The following DLG2 variants were observed in gnomAD, a reference collection of about 807,000 sequenced individuals.
DLG2 encodes the protein discs large MAGUK scaffold protein 2, also known as disks large homolog 2.
Under a neutral mutation model 132.5 loss-of-function variants are expected in DLG2, and 45 were observed. The observed-to-expected ratio is 0.34, with a 90% CI of 0.27 to 0.44. The LOEUF (loss-of-function observed/expected upper bound fraction) is 0.44, where lower values mean the gene tolerates loss of function less well. Ranked by LOEUF, DLG2 falls within the 20% of genes least tolerant of loss-of-function variation. The pLI is 1.00. For synonymous variants in DLG2, 424 were observed against 419.6 expected, an observed-to-expected ratio of 1.01 and a Z score of -0.13; for missense variants, 1,045 against 1,196.9, an observed-to-expected ratio of 0.87 and a Z score of 1.87.
intron 3 of DLG2, among the ~76,000 whole-genome samples, chr11:85,525,705 G>A (rs1163734484): frequency 2.6e-5 from 4 of 152,194 alleles, no homozygotes; most frequent in Admixed American, 1.3e-4. Context: ...GTAAAGAAAT[G>A]AGGTAAGCCC....
At chr11:83,915,129 T>G (rs2076714107) in intron 15 of DLG2, among the ~76,000 whole-genome samples, 1 of 152,080 alleles carries the variant, frequency 6.6e-6, no homozygotes, top group South Asian at 2.1e-4. Flanking sequence ...CAGAGGCAAG[T>G]GTACAGGAAA....
rs148266677 is a variant in DLG2, at chr11:83,735,277, T to C, written c.1825+51413A>G. Reference sequence around the variant, plus strand: ...TGAGTGAATTGTTAAGGATTATTGATTTGATATTTAAATTAGTGTTTTAGT... The same window carrying C: ...TGAGTGAATTGTTAAGGATTATTGACTTGATATTTAAATTAGTGTTTTAGT... On this transcript the variant is annotated intron_variant, in intron 18 of 27. Coordinates refer to ENST00000376104, the MANE Select transcript of DLG2 (RefSeq NM_001142699.3). Among the ~76,000 whole-genome samples the C allele has an allele frequency of 3.1e-3, 468 of 152,256 alleles. 2 individuals are homozygous for C. Among genetic ancestry groups the C allele is most frequent in the Admixed American group, 0.011 (171 of 15,284 alleles).
At chr11:84,373,298 G>A (rs1236987497) in intron 7 of DLG2, among the ~76,000 whole-genome samples, 2 of 120,700 alleles carry the variant, frequency 1.7e-5, no homozygotes, top group Admixed American at 9.0e-5. Flanking sequence ...GGCCCGGCAC[G>A]GTGGCTCACG....
intron 6 of DLG2, among the ~76,000 whole-genome samples, chr11:84,659,230 G>A (rs1401515470): frequency 6.6e-6 from 1 of 151,618 alleles, no homozygotes; most frequent in Non-Finnish European, 1.5e-5. Flanking sequence ...TATCTTCTGG[G>A]TGGAGCTTTG....
intron 6 of DLG2, among the ~76,000 whole-genome samples, chr11:84,668,038 G>C (rs1035734088): frequency 4.1e-4 from 63 of 152,156 alleles, no homozygotes; most frequent in African/African-American, 1.4e-3. Flanking sequence ...GCCCAGCTCT[G>C]TGACACACCT....
chr11:83,653,247 A>G (rs1591771397), intron 18 of DLG2, among the ~76,000 whole-genome samples: 1 of 152,096 alleles, frequency 6.6e-6, no homozygotes, highest in Non-Finnish European at 1.5e-5. Flanking sequence ...AACTGAAGAA[A>G]CCTGCCATGG....
chr11:85,076,458 A>C (rs1248154347), intron 6 of DLG2, among the ~76,000 whole-genome samples: 1 of 152,022 alleles, frequency 6.6e-6, no homozygotes, highest in African/African-American at 2.4e-5. Flanking sequence ...TGGAGGCAAC[A>C]ACCCGGAAAT....
At chr11:85,429,453 C>T (rs1411737174) in intron 3 of DLG2, among the ~76,000 whole-genome samples, 1 of 152,140 alleles carries the variant, frequency 6.6e-6, no homozygotes, top group Non-Finnish European at 1.5e-5. Context: ...TTTTTGCTAT[C>T]TACTCATCTA....
At chr11:84,307,549 A>G (rs2098233669) in intron 7 of DLG2, among the ~76,000 whole-genome samples, 1 of 152,066 alleles carries the variant, frequency 6.6e-6, no homozygotes, top group South Asian at 2.1e-4. Flanking sequence ...ACAAAAAATT[A>G]GCCGGGCGCA....
chr11:84,268,954 T>G (rs2097684754), intron 7 of DLG2, among the ~76,000 whole-genome samples: 1 of 152,232 alleles, frequency 6.6e-6, no homozygotes, highest in African/African-American at 2.4e-5. Flanking sequence ...TGTTGTTTGC[T>G]GGATAAATGA....
intron 11 of DLG2, among the ~76,000 whole-genome samples, chr11:84,048,811 C>T (rs535057527): frequency 2.0e-5 from 3 of 150,928 alleles, no homozygotes; most frequent in African/African-American, 4.9e-5. Flanking sequence ...ATTATGGTTA[C>T]AAGATAGAAA....
chr11:84,169,089 T>C (rs1294679348), intron 8 of DLG2, among the ~76,000 whole-genome samples: 1 of 151,764 alleles, frequency 6.6e-6, no homozygotes, highest in Admixed American at 6.6e-5. Flanking sequence ...AGTTCCTTAA[T>C]CTCTTAAAAC....
At chr11:84,529,659 T>C (rs1224781730) in intron 7 of DLG2, among the ~76,000 whole-genome samples, 1 of 152,104 alleles carries the variant, frequency 6.6e-6, no homozygotes, top group Non-Finnish European at 1.5e-5. Context: ...TCAAACAAAT[T>C]GAAAACATTC....
intron 18 of DLG2, among the ~76,000 whole-genome samples, chr11:83,677,518 A>T (rs560606082): frequency 9.3e-4 from 142 of 152,216 alleles, no homozygotes; most frequent in Non-Finnish European, 1.6e-3. Flanking sequence ...CCTGCTTTAT[A>T]GCTAAGGAAA....
chr11:84,902,619 C>G (rs1480726405), intron 6 of DLG2, among the ~76,000 whole-genome samples: 1 of 152,146 alleles, frequency 6.6e-6, no homozygotes, highest in Non-Finnish European at 1.5e-5. Flanking sequence ...TTATCCACAC[C>G]TGTGATTTCA....
chr11:84,297,038 A>G (rs561900277), intron 7 of DLG2, among the ~76,000 whole-genome samples: 50 of 151,970 alleles, frequency 3.3e-4, no homozygotes, highest in African/African-American at 1.2e-3. Flanking sequence ...CTTTATTAAG[A>G]TACTCTCCCA....
intron 3 of DLG2, among the ~76,000 whole-genome samples, chr11:85,334,173 T>C (rs2081970032): frequency 6.6e-6 from 1 of 152,186 alleles, no homozygotes; most frequent in Admixed American, 6.5e-5. Flanking sequence ...ATTTTATGGT[T>C]CTAGGAGTTT....
intron 17 of DLG2, among the ~76,000 whole-genome samples, chr11:83,794,261 T>A (rs1329915188): frequency 6.6e-6 from 1 of 152,188 alleles, no homozygotes; most frequent in African/African-American, 2.4e-5. Context: ...GCAAACATGT[T>A]CTTCTCCAGT....
intron 4 of DLG2, among the ~76,000 whole-genome samples, chr11:85,250,133 T>C (rs1340436528): frequency 1.3e-5 from 2 of 152,126 alleles, no homozygotes; most frequent in East Asian, 1.9e-4. Flanking sequence ...AAAACTACCA[T>C]ACAGCAAGGA....
Sources: allele counts gnomAD v4.1 joint callset (sites outside exome capture counted in the v4.1 genomes callset), GRCh38; gene constraint gnomAD v4.1.1; transcripts MANE v1.5; gene names NCBI Gene and HGNC (gene_info 2026-07-23, HGNC 2026-07-21).